The following ADAMTS16 variants were observed in gnomAD, a reference collection of about 807,000 sequenced individuals.
ADAMTS16 encodes the protein A disintegrin and metalloproteinase with thrombospondin motifs 16.
A neutral mutation model predicts 145.8 loss-of-function variants in ADAMTS16; 94 were observed. The ratio of observed to expected loss-of-function variants is 0.64; its 90% confidence interval spans 0.55 to 0.77. The LOEUF (loss-of-function observed/expected upper bound fraction) is 0.77. ADAMTS16 is among the 30% of genes least tolerant of loss of function. ADAMTS16 has a pLI of 0.00. For synonymous variants in ADAMTS16, 659 were observed against 604.3 expected, an observed-to-expected ratio of 1.09 and a Z score of -1.33; for missense variants, 1,585 against 1,591.5, an observed-to-expected ratio of 1.00 and a Z score of 0.07.
At chr5:5,272,463 A>G (rs1277941512) in intron 18 of ADAMTS16, among the ~76,000 whole-genome samples, 2 of 141,786 alleles carry the variant, frequency 1.4e-5, no homozygotes, top group Non-Finnish European at 3.0e-5. Context: ...CCGAGTTCAC[A>G]CCATTCTCCT....
intron 21 of ADAMTS16, among the ~76,000 whole-genome samples, chr5:5,311,361 AG>A (rs1740430016): frequency 6.6e-6 from 1 of 151,960 alleles, no homozygotes; most frequent in East Asian, 1.9e-4. Context: ...CTAAATCTAA[AG>A]GAAACAAACA....
intron 18 of ADAMTS16, among the ~76,000 whole-genome samples, chr5:5,291,428 A>C (rs549480920): frequency 3.3e-5 from 5 of 152,266 alleles, no homozygotes; most frequent in African/African-American, 9.6e-5. Context: ...AGACAAAGGA[A>C]TGAAATCATG....
intron 8 of ADAMTS16, among the ~76,000 whole-genome samples, chr5:5,194,415 C>G (rs1196402216): frequency 3.3e-5 from 5 of 152,214 alleles, no homozygotes; most frequent in African/African-American, 1.2e-4. Flanking sequence ...TCACATACAG[C>G]TCAAACCATG....
intron 4 of ADAMTS16, 50 bp from the exon 5 acceptor site, chr5:5,186,002 T>G: frequency 6.6e-7 from 1 of 1,526,358 alleles, no homozygotes; most frequent in South Asian, 1.1e-5. Context: ...ACGGCCCTGA[T>G]TTTGTGTGTG....
intron 20 of ADAMTS16, among the ~76,000 whole-genome samples, chr5:5,305,991 T>C (rs1740137268): frequency 6.6e-6 from 1 of 152,220 alleles, no homozygotes; most frequent in African/African-American, 2.4e-5. Flanking sequence ...GCTTAGAGCC[T>C]GCCTTAGTGG....
At chr5:5,262,989 T>C (rs1235402311) in intron 18 of ADAMTS16, among the ~76,000 whole-genome samples, 3 of 152,236 alleles carry the variant, frequency 2.0e-5, no homozygotes, top group African/African-American at 2.4e-5. Context: ...CTTGTGACTG[T>C]AAGTGGACAT....
chr5:5,220,655 A>G lies in ADAMTS16; in HGVS notation c.1606-2134A>G, dbSNP rs1248900996. The stretch of plus-strand genomic sequence containing the variant: ...AAAGGTGCAGTGCCCTAGTGCCTTT[A>G]CTTCAGGTGCCAGGCCCTGAGCTGA... On this transcript the variant is annotated intron_variant, in intron 10 of 22. Coordinates refer to ENST00000274181, the MANE Select transcript of ADAMTS16 (RefSeq NM_139056.4). 2.6e-5 allele frequency among the ~76,000 whole-genome samples: 4 copies of G among 152,064 alleles called. No individual in the cohort carries two copies. The East Asian group carries it at 7.8e-4, about 30-fold the overall frequency.
At chr5:5,240,074 T>TA (rs1297181048) in intron 16 of ADAMTS16, 149 bp downstream of exon 16, 24 of 1,300,140 alleles carry the variant, frequency 1.8e-5, no homozygotes, top group African/African-American at 3.0e-5. Flanking sequence ...GCAGCAGGCT[T>TA]GTTTTTATCA....
chr5:5,311,663 C>T (rs913690315), intron 21 of ADAMTS16, among the ~76,000 whole-genome samples: 13 of 151,634 alleles, frequency 8.6e-5, no homozygotes, highest in Non-Finnish European at 1.8e-4. Context: ...TCTCCTGTCT[C>T]AGCCCCCCGA....
rs903570083 is a variant in ADAMTS16, at chr5:5,269,271, C to T, written c.2789+6488C>T. ...CACCTGAGCTGCCTTGCTTCACCCT[C>T]GCTCCCCTATACTACCCTGGTCACC... On this transcript the variant is annotated intron_variant, in intron 18 of 22. Coordinates refer to ENST00000274181, the MANE Select transcript of ADAMTS16 (RefSeq NM_139056.4). The surrounding 1 kb of genome is among the most constrained non-coding windows in gnomAD (Gnocchi z 4.3). Among the ~76,000 whole-genome samples, 6 of 152,062 alleles carry T rather than the reference C, an allele frequency of 3.9e-5. No homozygotes were observed. The highest frequency in any genetic ancestry group is 7.4e-5 in the Non-Finnish European group (5 of 68,014).
At chr5:5,196,987 G>T (rs577682249) in intron 8 of ADAMTS16, among the ~76,000 whole-genome samples, 6 of 152,280 alleles carry the variant, frequency 3.9e-5, no homozygotes, top group South Asian at 2.1e-4. Context: ...CGCAACTGCT[G>T]TCTTCAGCTC....
chr5:5,141,426 A>G (rs910388788), intron 2 of ADAMTS16, among the ~76,000 whole-genome samples: 1 of 152,198 alleles, frequency 6.6e-6, no homozygotes, highest in African/African-American at 2.4e-5. Context: ...TACAAGTGAC[A>G]TTTGGAAATT....
At chr5:5,167,104 C>T (rs1734905628) in intron 3 of ADAMTS16, among the ~76,000 whole-genome samples, 1 of 152,166 alleles carries the variant, frequency 6.6e-6, no homozygotes, top group South Asian at 2.1e-4. Context: ...CTGCTCATTA[C>T]CTGTTAACTT....
Position 5,186,173 on chromosome 5 carries a change from G to C in ADAMTS16, c.885G>C (p.Leu295Phe). The C allele has an allele frequency of 9.3e-6, 15 of 1,614,080 alleles. No homozygotes were observed. Among genetic ancestry groups the C allele is most frequent in the Non-Finnish European group, 1.3e-5 (15 of 1,180,032 alleles). The change falls in exon 5 of 23, where the codon TTG (leucine) becomes TTC (phenylalanine). Residue 295 changes from leucine (L) to phenylalanine (F), a missense_variant. Around this residue, in one of 3 missense-constraint regions of ADAMTS16, gnomAD observed 453 missense variants for 412.1 expected, o/e 1.10. Coordinates refer to ENST00000274181, the MANE Select transcript of ADAMTS16 (RefSeq NM_139056.4). ...HRNEELNVET[L>F]VVVDKKMMQN... Reference sequence around the variant, plus strand: ...ATGAAGAACTGAACGTGGAGACCTTGGTGGTGGTCGACAAAAAGATGATGC... The same window carrying C: ...ATGAAGAACTGAACGTGGAGACCTTCGTGGTGGTCGACAAAAAGATGATGC...
intron 9 of ADAMTS16, among the ~76,000 whole-genome samples, chr5:5,205,669 C>CT (rs2126599121): frequency 6.6e-6 from 1 of 152,304 alleles, no homozygotes; most frequent in East Asian, 1.9e-4. Context: ...TGATGTTTGC[C>CT]TTTGCAATTC....
intron 4 of ADAMTS16, 66 bp from the exon 5 acceptor site, chr5:5,185,983 TGAC>T (rs1309645263): frequency 7.2e-7 from 1 of 1,379,324 alleles, no homozygotes; most frequent in African/African-American, 1.4e-5. Flanking sequence ...AATTTCTCTA[TGAC>T]GAGTTACGGC....
chr5:5,178,849 G>A (rs1735264862), intron 3 of ADAMTS16, among the ~76,000 whole-genome samples: 1 of 152,000 alleles, frequency 6.6e-6, no homozygotes, highest in Non-Finnish European at 1.5e-5. Context: ...CCAGGAACCA[G>A]AAAGAGTGTA....
At chr5:5,263,211 T>C (rs1006063345) in intron 18 of ADAMTS16, among the ~76,000 whole-genome samples, 1 of 152,122 alleles carries the variant, frequency 6.6e-6, no homozygotes, top group Non-Finnish European at 1.5e-5. Flanking sequence ...CTTGCAAACA[T>C]ACAGCTGTGA....
At chr5:5,304,985 TACACCACACACACACACACATCCC>T (rs1739981360) in intron 20 of ADAMTS16, among the ~76,000 whole-genome samples, 4 of 49,370 alleles carry the variant, frequency 8.1e-5, no homozygotes, top group South Asian at 7.4e-4. Flanking sequence ...ACACACATCC[TACACCACACACACACACACATCCC>T]ACACCACACA....
Sources: gnomAD v4.1 joint callset for allele counts (sites outside exome capture counted in the v4.1 genomes callset) on GRCh38, gnomAD v4.1.1 for gene constraint, gnomAD v4.1.1 regional missense constraint, Gnocchi (gnomAD v3.1) non-coding constraint, MANE v1.5 for transcripts, NCBI Gene and HGNC (gene_info 2026-07-23, HGNC 2026-07-21) for gene names.